SLC44A1: variants seen among roughly 807,000 people sequenced by gnomAD.
SLC44A1 encodes solute carrier family 44 member 1.
SLC44A1 carries 26 observed loss-of-function variants against 79.3 expected under a neutral mutation model. The observed-to-expected ratio is 0.33, with a 90% CI of 0.24 to 0.46. The LOEUF is 0.46. Among genes scored for constraint, SLC44A1 ranks in the 20% least tolerant of loss-of-function variants. The probability of loss-of-function intolerance (pLI) is 1.00; values close to 1 mark genes in which losing one functional copy is unlikely to be tolerated. For synonymous variants in SLC44A1, 263 were observed against 286.2 expected (o/e 0.92, Z 0.82); for missense variants, 688 against 798.1 (o/e 0.86, Z 1.66).
rs60259632 is a variant in SLC44A1, at chr9:105,276,565, CGTGTGTGTGTGTGTGTGTGTGTGTGT to C, written c.37-22626_37-22601del. Among the ~76,000 whole-genome samples the C allele has an allele frequency of 1.8e-3, 214 of 118,998 alleles. 4 individuals are homozygous for C. Among genetic ancestry groups the C allele is most frequent in the African/African-American group, 5.6e-3 (187 of 33,210 alleles). 78.1% of individuals were successfully genotyped at this position (118,998 alleles called of 152,430 possible). On this transcript the variant is annotated intron_variant, in intron 1 of 15. Transcript: ENST00000374720. The stretch of plus-strand genomic sequence containing the variant: ...AAGTTAGGAAACGGGGATGGGGAGC[CGTGTGTGTGTGTGTGTGTGTGTGTGT>C]GTGTGTGTGTGTGTGTGTGTGTGTG...
intron 14 of SLC44A1, among the ~76,000 whole-genome samples, 194 bp from the exon 15 acceptor site, chr9:105,385,228 A>G (rs965912741): frequency 1.3e-5 from 2 of 152,168 alleles, no homozygotes; most frequent in African/African-American, 4.8e-5. Context: ...AGATTTTTTT[A>G]ATCAGCGAAT....
intron 15 of SLC44A1, among the ~76,000 whole-genome samples, chr9:105,429,871 C>A (rs1829370160): frequency 7.0e-6 from 1 of 142,120 alleles, no homozygotes. Flanking sequence ...CATGTGTATA[C>A]CTTAATTATA....
chr9:105,270,712 A>T (rs1284667544), intron 1 of SLC44A1, among the ~76,000 whole-genome samples: 1 of 152,042 alleles, frequency 6.6e-6, no homozygotes. Flanking sequence ...TTAAAAGCTG[A>T]TCATCACCTG....
chr9:105,266,278 T>C (rs575240104), intron 1 of SLC44A1, among the ~76,000 whole-genome samples: 1 of 152,308 alleles, frequency 6.6e-6, no homozygotes, highest in South Asian at 2.1e-4. Flanking sequence ...TCATTGCTTA[T>C]TTAGCAGAGG....
At chr9:105,281,461 A>G (rs1011971428) in intron 1 of SLC44A1, among the ~76,000 whole-genome samples, 8 of 152,158 alleles carry the variant, frequency 5.3e-5, no homozygotes, top group Non-Finnish European at 1.2e-4. Flanking sequence ...AAGATGAGTC[A>G]TGGAGGCAGT....
rs1313012904 is a variant in SLC44A1, at chr9:105,389,452, G to A, written c.*396G>A. 1.9e-6 allele frequency: 2 copies of A among 1,031,614 alleles called. No individual in the cohort carries two copies. Among genetic ancestry groups the A allele is most frequent in the African/African-American group, 3.4e-5 (2 of 59,234 alleles). The allele number at this position is 1,031,614 out of a possible 1,614,324, so 63.9% of individuals were successfully genotyped here. A position where few individuals can be genotyped will look rare whatever the true frequency, so the allele number is the denominator to read the frequency against. The stretch of plus-strand genomic sequence containing the variant: ...TAATTATGTCTAAAGTTTATTCAGG[G>A]GTAATTTCCCTGATGTCTGTATAAA... On this transcript the variant is annotated 3_prime_UTR_variant, in exon 16 of 16. Coordinates refer to ENST00000374720, the MANE Select transcript of SLC44A1 (RefSeq NM_080546.5).
chr9:105,247,949 G>T (rs979795121), intron 1 of SLC44A1, among the ~76,000 whole-genome samples: 1 of 152,232 alleles, frequency 6.6e-6, no homozygotes, highest in South Asian at 2.1e-4. Flanking sequence ...ATCCCTTCCT[G>T]TTCTTTCAGT....
At chr9:105,423,390 C>G (rs935923536) in intron 15 of SLC44A1, among the ~76,000 whole-genome samples, 1 of 152,122 alleles carries the variant, frequency 6.6e-6, no homozygotes, top group Non-Finnish European at 1.5e-5. Context: ...CACTTAAACC[C>G]AGGAGATGAA....
intron 10 of SLC44A1, among the ~76,000 whole-genome samples, chr9:105,365,193 G>A (rs4538947): frequency 0.13 from 19,012 of 152,020 alleles, 2,303 homozygotes; most frequent in African/African-American, 0.32. Flanking sequence ...GTTTTCTGAT[G>A]ACCCCATAAG....
intron 15 of SLC44A1, among the ~76,000 whole-genome samples, chr9:105,414,111 G>C (rs1829135605): frequency 6.7e-6 from 1 of 149,250 alleles, no homozygotes; most frequent in African/African-American, 2.5e-5. Flanking sequence ...CGCCCAGGCT[G>C]GAGTGCAGTG....
intron 3 of SLC44A1, among the ~76,000 whole-genome samples, chr9:105,313,910 C>G (rs184062276): frequency 6.6e-6 from 1 of 152,014 alleles, no homozygotes; most frequent in African/African-American, 2.4e-5. Context: ...CAGGCATGCA[C>G]CACCGTGCCT....
rs968688313 is a variant in SLC44A1, at chr9:105,391,639, G to A, written c.*2583G>A. ...TTTAAGCAATATTTAAATGTGTTGAGGTTATGTTTGGATATTCCTGCTGCC... is the reference window on the plus strand; with the variant it reads ...TTTAAGCAATATTTAAATGTGTTGAAGTTATGTTTGGATATTCCTGCTGCC... On this transcript the variant is annotated 3_prime_UTR_variant, in exon 16 of 16. Coordinates refer to ENST00000374720, the MANE Select transcript of SLC44A1 (RefSeq NM_080546.5). 4 of 985,170 alleles carry A rather than the reference G, an allele frequency of 4.1e-6. No individual in the cohort carries two copies. Among genetic ancestry groups the A allele is most frequent in the East Asian group, 2.3e-4 (2 of 8,828 alleles). 61.0% of individuals were successfully genotyped at this position (985,170 alleles called of 1,614,324 possible).
intron 15 of SLC44A1, chr9:105,386,397 C>G (rs371628137): frequency 1.0e-6 from 1 of 977,292 alleles, no homozygotes. Context: ...AACAATGTGT[C>G]CCCTGACTGC....
At chr9:105,425,714 T>C (rs1333398728) in intron 15 of SLC44A1, among the ~76,000 whole-genome samples, 3 of 152,098 alleles carry the variant, frequency 2.0e-5, no homozygotes, top group Non-Finnish European at 4.4e-5. Flanking sequence ...TCCCAGCTAC[T>C]TGGGAGGCTG....
intron 15 of SLC44A1, among the ~76,000 whole-genome samples, chr9:105,432,175 G>A (rs1009252643): frequency 1.3e-5 from 2 of 152,166 alleles, no homozygotes; most frequent in African/African-American, 4.8e-5. Context: ...GCCCACCTCA[G>A]GCTCTCAAAC....
intron 12 of SLC44A1, among the ~76,000 whole-genome samples, chr9:105,367,092 C>G (rs1827964574): frequency 6.6e-6 from 1 of 152,066 alleles, no homozygotes; most frequent in African/African-American, 2.4e-5. Flanking sequence ...CTTTCTATAT[C>G]TGAGGATCTG....
intron 1 of SLC44A1, among the ~76,000 whole-genome samples, chr9:105,274,018 A>T (rs1310214724): frequency 6.6e-6 from 1 of 152,152 alleles, no homozygotes; most frequent in African/African-American, 2.4e-5. Context: ...GTTTCATGGT[A>T]CTTAAAGACA....
At chr9:105,423,131 G>A (rs1829275615) in intron 15 of SLC44A1, among the ~76,000 whole-genome samples, 1 of 152,116 alleles carries the variant, frequency 6.6e-6, no homozygotes, top group Admixed American at 6.6e-5. Context: ...AAGTCATTTG[G>A]AAACGTGTAT....
At chr9:105,293,009 T>A (rs934825701) in intron 1 of SLC44A1, among the ~76,000 whole-genome samples, 1 of 151,802 alleles carries the variant, frequency 6.6e-6, no homozygotes, top group Non-Finnish European at 1.5e-5. Context: ...AAAAAAAAAT[T>A]AACAGAGCAT....
Sources: allele counts gnomAD v4.1 joint callset (sites outside exome capture counted in the v4.1 genomes callset), GRCh38; gene constraint gnomAD v4.1.1; transcripts MANE v1.5; gene names NCBI Gene and HGNC (gene_info 2026-07-23, HGNC 2026-07-21).